The following GABRA3 variants were observed in gnomAD, a reference collection of about 807,000 sequenced individuals.
GABRA3 encodes gamma-aminobutyric acid receptor subunit alpha-3.
GABRA3 carries 10 observed loss-of-function variants against 30.1 expected under a neutral mutation model. The observed-to-expected ratio is 0.33, with a 90% CI of 0.20 to 0.56. GABRA3 has a LOEUF of 0.56. Ranked by LOEUF, GABRA3 falls within the 20% of genes least tolerant of loss-of-function variation. GABRA3 has a pLI of 0.89. For missense variants in GABRA3, 233 were observed against 392.0 expected, an observed-to-expected ratio of 0.59 and a Z score of 3.42; for synonymous variants, 151 against 146.8, an observed-to-expected ratio of 1.03 and a Z score of -0.21.
At position 152,343,462 on chromosome X, in the gene GABRA3, C is replaced by A. The variant is rs868094943; in HGVS notation, c.262+2119G>T. Among the ~76,000 whole-genome samples the A allele has an allele frequency of 6.3e-3, 614 of 97,209 alleles. 3 individuals are homozygous for A. Among genetic ancestry groups the A allele is most frequent in the Middle Eastern group, 0.059 (11 of 186 alleles). 84.4% of individuals were successfully genotyped at this position (97,209 alleles called of 115,157 possible). A position where few individuals can be genotyped will look rare whatever the true frequency, so the allele number is the denominator to read the frequency against. ...ACCTCAAATCCAAAAAAAAAAAAAA[C>A]AAAACGCAATTGCACCATTCTCCCT... On this transcript the variant is annotated intron_variant, in intron 3 of 9. Coordinates refer to ENST00000370314, the MANE Select transcript of GABRA3 (RefSeq NM_000808.4).
At chrX:152,417,176 C>T (rs1675502333) in intron 1 of GABRA3, among the ~76,000 whole-genome samples, 2 of 107,974 alleles carry the variant, frequency 1.9e-5, no homozygotes, top group African/African-American at 3.4e-5. Context: ...AACAAATTTA[C>T]AAGAAAACAA....
chrX:152,350,087 A>C (rs1167945019), intron 2 of GABRA3, among the ~76,000 whole-genome samples: 1 of 97,623 alleles, frequency 1.0e-5, no homozygotes, highest in Non-Finnish European at 2.0e-5. Flanking sequence ...GTAAAAGAAC[A>C]GAAATTATAA....
intron 9 of GABRA3, among the ~76,000 whole-genome samples, chrX:152,185,751 C>T (rs980157973): frequency 8.9e-6 from 1 of 112,019 alleles, no homozygotes; most frequent in East Asian, 2.8e-4. Context: ...TATGCTCTCA[C>T]TAGTTCTAGG....
chrX:152,298,493 C>A (rs368994882), intron 3 of GABRA3, among the ~76,000 whole-genome samples: 23 of 108,125 alleles, frequency 2.1e-4, no homozygotes, highest in Admixed American at 8.0e-4. Flanking sequence ...TTTGTCCTTG[C>A]GATAGTTTGC....
At chrX:152,345,783 A>C in intron 2 of GABRA3, 81 bp from the exon 3 acceptor site, 1 of 913,901 alleles carries the variant, frequency 1.1e-6, no homozygotes, top group Non-Finnish European at 1.5e-6. Context: ...GTAATTCAAG[A>C]TTTCAATTAA....
At chrX:152,388,161 T>C (rs1929376465) in intron 1 of GABRA3, among the ~76,000 whole-genome samples, 1 of 112,010 alleles carries the variant, frequency 8.9e-6, no homozygotes, top group Non-Finnish European at 1.9e-5. Flanking sequence ...TATATTAATA[T>C]ATTTGAAAGT....
chrX:152,336,667 A>G (rs1456432209), intron 3 of GABRA3, among the ~76,000 whole-genome samples: 1 of 112,047 alleles, frequency 8.9e-6, no homozygotes, highest in African/African-American at 3.2e-5. Context: ...GCTAATTAAT[A>G]AAGAGAAAAG....
chrX:152,322,531 C>T (rs1939980279), intron 3 of GABRA3, among the ~76,000 whole-genome samples: 1 of 109,949 alleles, frequency 9.1e-6, no homozygotes, highest in South Asian at 3.8e-4. Flanking sequence ...TAAATAAAGT[C>T]AACTCTTTTT....
chrX:152,387,055 T>C (rs1929338923), intron 1 of GABRA3, among the ~76,000 whole-genome samples: 2 of 103,344 alleles, frequency 1.9e-5, no homozygotes, highest in Admixed American at 1.1e-4. Flanking sequence ...GCACAAAAAA[T>C]CAAACACCGC....
intron 3 of GABRA3, among the ~76,000 whole-genome samples, chrX:152,324,611 T>C (rs1468944092): frequency 1.8e-5 from 2 of 111,879 alleles, no homozygotes; most frequent in Admixed American, 9.6e-5. Context: ...AACACTGATA[T>C]AGTCTCTAAT....
intron 8 of GABRA3, among the ~76,000 whole-genome samples, chrX:152,191,166 T>C (rs1937320600): frequency 9.0e-6 from 1 of 110,775 alleles, no homozygotes; most frequent in Admixed American, 9.7e-5. Flanking sequence ...ATAATTAACA[T>C]GACTATTGTC....
At chrX:152,391,808 G>C (rs1325976329) in intron 1 of GABRA3, among the ~76,000 whole-genome samples, 3 of 111,644 alleles carry the variant, frequency 2.7e-5, no homozygotes, top group African/African-American at 9.8e-5. Flanking sequence ...CAGTAATTTA[G>C]CATGTGACTA....
chrX:152,177,439 CAG>C (rs1195584565), intron 9 of GABRA3, among the ~76,000 whole-genome samples: 1 of 111,133 alleles, frequency 9.0e-6, no homozygotes, highest in Non-Finnish European at 1.9e-5. Context: ...AAGGATGACA[CAG>C]AGGCGAGCCC....
intron 3 of GABRA3, among the ~76,000 whole-genome samples, chrX:152,323,796 C>A (rs1161792671): frequency 9.0e-6 from 1 of 111,498 alleles, no homozygotes; most frequent in African/African-American, 3.3e-5. Context: ...TTTTGAGGAA[C>A]CTAAAACACA....
At chrX:152,210,249 A>T (rs1219114740) in intron 6 of GABRA3, among the ~76,000 whole-genome samples, 4 of 112,147 alleles carry the variant, frequency 3.6e-5, no homozygotes, top group Non-Finnish European at 7.5e-5. Flanking sequence ...GTGTGCTTAA[A>T]GATGTGAAAA....
chrX:152,447,486 G>A (rs994990689), intron 1 of GABRA3, among the ~76,000 whole-genome samples: 1 of 111,133 alleles, frequency 9.0e-6, no homozygotes, highest in Non-Finnish European at 1.9e-5. Flanking sequence ...TGAATGTATG[G>A]CCCCACAACT....
chrX:152,274,640 T>C (rs980665277), intron 4 of GABRA3, among the ~76,000 whole-genome samples: 4 of 111,020 alleles, frequency 3.6e-5, no homozygotes, highest in Non-Finnish European at 7.6e-5. Context: ...TGAAATCTTG[T>C]TTGGGGCTCT....
chrX:152,388,730 A>T (rs1929396904), intron 1 of GABRA3, among the ~76,000 whole-genome samples: 1 of 112,334 alleles, frequency 8.9e-6, no homozygotes, highest in Admixed American at 9.5e-5. Context: ...ATGTATTTTT[A>T]AAATTATGAA....
chrX:152,263,945 TA>T (rs1234587686), intron 4 of GABRA3, among the ~76,000 whole-genome samples: 1 of 111,533 alleles, frequency 9.0e-6, no homozygotes, highest in African/African-American at 3.3e-5. Context: ...AGTACTGAAG[TA>T]AAAAAACTTT....
Sources: allele counts gnomAD v4.1 joint callset (sites outside exome capture counted in the v4.1 genomes callset), GRCh38; gene constraint gnomAD v4.1.1; transcripts MANE v1.5; gene names NCBI Gene and HGNC (gene_info 2026-07-23, HGNC 2026-07-21).